The following MEIOSIN variants were observed in gnomAD, a reference collection of about 807,000 sequenced individuals.
MEIOSIN encodes meiosis initiator protein.
A neutral mutation model predicts 23.4 loss-of-function variants in MEIOSIN; 18 were observed. The ratio of observed to expected loss-of-function variants is 0.77; its 90% CI spans 0.53 to 1.14. The LOEUF (loss-of-function observed/expected upper bound fraction) is 1.14. MEIOSIN is among the 50% of genes most tolerant of loss of function. The probability of loss-of-function intolerance (pLI) is 0.00; values close to 1 mark genes in which losing one functional copy is unlikely to be tolerated. For missense variants in MEIOSIN, 428 were observed against 242.9 expected (o/e 1.76, Z -5.07); for synonymous variants, 187 against 100.6 (o/e 1.86, Z -5.14).
chr19:45,755,307 G>A (rs1050433489), intron 7 of MEIOSIN, among the ~76,000 whole-genome samples: 4 of 151,666 alleles, frequency 2.6e-5, no homozygotes, highest in Non-Finnish European at 1.5e-5. Context: ...GCACCACCAC[G>A]CCCAGCTAAT....
At chr19:45,742,560 A>G (rs1158715132) in intron 3 of MEIOSIN, among the ~76,000 whole-genome samples, 2 of 151,918 alleles carry the variant, frequency 1.3e-5, no homozygotes. Flanking sequence ...CGGACAGATC[A>G]TGAGGTCAGG....
intron 4 of MEIOSIN, among the ~76,000 whole-genome samples, chr19:45,748,597 C>T (rs566770055): frequency 1.6e-4 from 25 of 152,310 alleles, no homozygotes; most frequent in African/African-American, 6.0e-4. Context: ...CCTGAAGTTT[C>T]AATTACTGAG....
rs59054027 is a variant in MEIOSIN at position 45,761,789 on chromosome 19, A to ATCCAGCTCCAGCTCCAGC, written c.1377_1394dup (p.Ser460_Ser465dup). On this transcript the variant is annotated inframe_insertion, in exon 12 of 15. Coordinates refer to ENST00000457052, the MANE Select transcript of MEIOSIN (RefSeq NM_001310124.2). ...CGCTGAGCGGGAACAGCAAGGCGCCATCCAGCTCCAGCTCCAGCTCCAGCT... is the reference window on the plus strand; with the variant it reads ...CGCTGAGCGGGAACAGCAAGGCGCCATCCAGCTCCAGCTCCAGCTCCAGCTCCAGCTCCAGCTCCAGCT... 3.4e-4 allele frequency: 230 copies of ATCCAGCTCCAGCTCCAGC among 671,670 alleles called. 1 individual carries two copies. The highest frequency in any genetic ancestry group is 2.8e-3 in the South Asian group (177 of 62,266). The allele number at this position is 671,670 out of a possible 1,614,324, so 41.6% of individuals were successfully genotyped here.
At chr19:45,741,350 A>G (rs935187887) in intron 3 of MEIOSIN, among the ~76,000 whole-genome samples, 8 of 147,230 alleles carry the variant, frequency 5.4e-5, no homozygotes, top group Non-Finnish European at 8.9e-5. Context: ...GTCTCGGGGG[A>G]AAAAAAAAAG....
intron 8 of MEIOSIN, 99 bp downstream of exon 8, chr19:45,756,177 G>A (rs562953033): frequency 3.1e-4 from 199 of 648,520 alleles, no homozygotes; most frequent in Non-Finnish European, 5.0e-4. Flanking sequence ...CGTCCTCTGC[G>A]GGTGCCCCTT....
chr19:45,751,292 A>ATAATAAT (rs1376825842), intron 5 of MEIOSIN, among the ~76,000 whole-genome samples: 1 of 147,112 alleles, frequency 6.8e-6, no homozygotes, highest in Non-Finnish European at 1.5e-5. Flanking sequence ...AATAATAATA[A>ATAATAAT]TAATAATAAT....
At chr19:45,744,649 C>A (rs1389065693) in intron 3 of MEIOSIN, among the ~76,000 whole-genome samples, 1 of 151,226 alleles carries the variant, frequency 6.6e-6, no homozygotes, top group Non-Finnish European at 1.5e-5. Flanking sequence ...ACTTTGTCTC[C>A]CAGGCTGGAG....
Position 45,753,687 on chromosome 19 carries a change from G to A in MEIOSIN, c.455G>A (p.Arg152Gln), listed in dbSNP as rs770440554. 61 of 702,796 alleles carry A rather than the reference G, an allele frequency of 8.7e-5. No homozygotes were observed. The highest frequency in any genetic ancestry group is 2.3e-4 in the Middle Eastern group (1 of 4,386). 43.5% of individuals were successfully genotyped at this position (702,796 alleles called of 1,614,324 possible). A position where few individuals can be genotyped will look rare whatever the true frequency, so the allele number is the denominator to read the frequency against. Reference sequence around the variant, plus strand: ...AAACCAGCCTGGGGCCCAGCCAGGCGGAGGAGACACTCTACCCCCTCCAGC... The same window carrying A: ...AAACCAGCCTGGGGCCCAGCCAGGCAGAGGAGACACTCTACCCCCTCCAGC... The part of the protein sequence containing the change: ...GQKPAWGPAR[R>Q]RRHSTPSSSP... The change falls in exon 6 of 15, where the codon CGG becomes CAG. Residue 152 changes from arginine to glutamine, a missense_variant. Transcript: ENST00000457052.
chr19:45,763,154 C>T (rs1305330481), intron 13 of MEIOSIN, among the ~76,000 whole-genome samples, 184 bp from the exon 14 acceptor site: 1 of 152,188 alleles, frequency 6.6e-6, no homozygotes, highest in Non-Finnish European at 1.5e-5. Flanking sequence ...CACAGGTCCC[C>T]TGCACTCTCC....
intron 11 of MEIOSIN, among the ~76,000 whole-genome samples, chr19:45,761,347 C>T (rs1968936402): frequency 6.6e-6 from 1 of 151,542 alleles, no homozygotes; most frequent in Admixed American, 6.6e-5. Context: ...GTTTTGAACT[C>T]CTGACCTCAG....
chr19:45,762,508 A>T (rs552619005), intron 13 of MEIOSIN, among the ~76,000 whole-genome samples: 1 of 152,140 alleles, frequency 6.6e-6, no homozygotes. Context: ...GCTCACTGCA[A>T]TGTCTGCCTC....
At position 45,753,748 on chromosome 19, in the gene MEIOSIN, G is replaced by T; in HGVS notation, c.516G>T (p.Ala172=). The change falls in exon 6 of 15, where the codon GCG becomes GCT. Residue 172 remains alanine (A), a synonymous_variant. Transcript: ENST00000457052. ...CTCAGAAGTCCTGTCTCCAGGGGGCGTGCCAGAAGCCTCGGAAGAAGAAGC... is the reference window on the plus strand; with the variant it reads ...CTCAGAAGTCCTGTCTCCAGGGGGCTTGCCAGAAGCCTCGGAAGAAGAAGC... ...PSSQKSCLQG[A]CQKPRKKKLT... is the part of the protein sequence containing the mutation. 1 of 702,866 alleles carries T rather than the reference G, an allele frequency of 1.4e-6. No individual in the cohort carries two copies. Among genetic ancestry groups the T allele is most frequent in the East Asian group, 2.7e-5 (1 of 37,282 alleles). The allele number at this position is 702,866 out of a possible 1,614,324, so 43.5% of individuals were successfully genotyped here.
chr19:45,761,625 A>T, intron 11 of MEIOSIN, 54 bp from the exon 12 acceptor site: 2 of 680,128 alleles, frequency 2.9e-6, no homozygotes, highest in South Asian at 3.1e-5. Flanking sequence ...TACTGGGGGG[A>T]TGAAGGGGCA....
At chr19:45,756,438 G>A (rs1968831101) in intron 8 of MEIOSIN, among the ~76,000 whole-genome samples, 1 of 151,504 alleles carries the variant, frequency 6.6e-6, no homozygotes, top group South Asian at 2.1e-4. Flanking sequence ...GTTTGTTTGA[G>A]ACAGGGTCTC....
chr19:45,736,138 G>C (rs1968404576), intron 2 of MEIOSIN, among the ~76,000 whole-genome samples: 1 of 151,960 alleles, frequency 6.6e-6, no homozygotes, highest in Non-Finnish European at 1.5e-5. Flanking sequence ...TCCTGGGTTT[G>C]AGCCTGGGCT....
chr19:45,763,283 C>T, intron 13 of MEIOSIN, 55 bp from the exon 14 acceptor site: 1 of 398,604 alleles, frequency 2.5e-6, no homozygotes, highest in Non-Finnish European at 4.4e-6. Flanking sequence ...GGTCTGAGTT[C>T]TCAGTCAGGG....
chr19:45,752,031 C>T (rs1324667608), intron 5 of MEIOSIN, among the ~76,000 whole-genome samples: 1 of 122,362 alleles, frequency 8.2e-6, no homozygotes. Context: ...CTGCTCCTAG[C>T]CGTTTTTTTT....
intron 4 of MEIOSIN, among the ~76,000 whole-genome samples, chr19:45,746,649 G>T (rs574046196): frequency 6.6e-6 from 1 of 151,862 alleles, no homozygotes. Context: ...GTGAAACCCC[G>T]TCTCTACTAA....
chr19:45,744,983 A>T (rs554562756), intron 3 of MEIOSIN, among the ~76,000 whole-genome samples: 1 of 152,162 alleles, frequency 6.6e-6, no homozygotes, highest in Non-Finnish European at 1.5e-5. Context: ...AGAGAAGGTC[A>T]TGGAAGAGGA....
Sources: gnomAD v4.1 joint callset for allele counts (sites outside exome capture counted in the v4.1 genomes callset) on GRCh38, gnomAD v4.1.1 for gene constraint, MANE v1.5 for transcripts, NCBI Gene and HGNC (gene_info 2026-07-23, HGNC 2026-07-21) for gene names.